The following EBNA1BP2 variants were observed in gnomAD, a reference collection of about 807,000 sequenced individuals.
EBNA1BP2 encodes the protein probable rRNA-processing protein EBP2.
EBNA1BP2 carries 36 observed loss-of-function variants against 43.5 expected under a neutral mutation model. That is an observed-to-expected ratio of 0.83 (90% CI 0.63 to 1.09). EBNA1BP2 has a LOEUF of 1.09. EBNA1BP2 is among the 50% of genes least tolerant of loss of function. The pLI, the probability that EBNA1BP2 is intolerant of heterozygous loss-of-function variation, is 0.00. For synonymous variants in EBNA1BP2, 127 were observed against 141.3 expected (o/e 0.90, Z 0.72); for missense variants, 332 against 379.1 (o/e 0.88, Z 1.03).
rs76692402 is a variant in EBNA1BP2 at position 43,166,840 on chromosome 1, C to T, written c.693G>A (p.Gln231=). Residue 231 remains glutamine, a synonymous_variant, in exon 7 of 9, where the codon CAG becomes CAA. Coordinates refer to ENST00000236051, the MANE Select transcript of EBNA1BP2 (RefSeq NM_006824.3). ...ACCCTTCTCACCCCTTCCTCATCTGCTGGCCTTTGGCTCCTGCCTTCTTGC... is the reference window on the plus strand; with the variant it reads ...ACCCTTCTCACCCCTTCCTCATCTGTTGGCCTTTGGCTCCTGCCTTCTTGC... ...AQRKKAGAKG[Q]QMRKGPSAKR... 1.3e-4 allele frequency: 216 copies of T among 1,611,558 alleles called. 1 individual carries two copies. In the East Asian group the frequency reaches 4.2e-3, roughly 31 times the overall value.
intron 5 of EBNA1BP2, among the ~76,000 whole-genome samples, chr1:43,168,658 T>C (rs1334972806): frequency 6.6e-6 from 1 of 152,142 alleles, no homozygotes; most frequent in Non-Finnish European, 1.5e-5. Context: ...GATTTTGCTA[T>C]AAGGTCAGGT....
chr1:43,172,439 A>G (rs1421615877), upstream of EBNA1BP2: 1 of 1,549,242 alleles, frequency 6.5e-7, no homozygotes. Flanking sequence ...CTGCTGACCC[A>G]GAGAGAAACG....
rs1644957938 is a variant in EBNA1BP2, at chr1:43,170,879, G to C, written c.324C>G (p.Phe108Leu). Reference protein sequence around the residue: ...PEDDFQREMSFYRQAQAAVLA... With the variant: ...PEDDFQREMSLYRQAQAAVLA... ...GCACTGCGGCCTGGGCTTGGCGATA[G>C]CTGAGAATCGTAGGACAAAATGTGT... is the stretch of plus-strand genomic sequence containing the variant. Residue 108 changes from phenylalanine (F) to leucine (L), a missense_variant and splice_region_variant, in exon 4 of 9, where the codon TTC becomes TTG. This residue lies in a region of EBNA1BP2 where 182 missense variants were observed against 173.7 expected (regional missense o/e 1.05). Coordinates refer to ENST00000236051, the MANE Select transcript of EBNA1BP2 (RefSeq NM_006824.3). 2 of 1,567,236 alleles carry C rather than the reference G, an allele frequency of 1.3e-6. No individual in the cohort carries two copies. The highest frequency in any genetic ancestry group is 2.1e-5 in the Admixed American group (1 of 48,588).
chr1:43,166,291 C>T (rs1340281596), intron 7 of EBNA1BP2, among the ~76,000 whole-genome samples: 2 of 152,204 alleles, frequency 1.3e-5, no homozygotes, highest in Non-Finnish European at 2.9e-5. Context: ...TCAGCATTCA[C>T]TTAAAGGGTG....
chr1:43,164,873 T>C (rs1486254508), intron 7 of EBNA1BP2, 68 bp from the exon 8 acceptor site: 2 of 1,572,600 alleles, frequency 1.3e-6, no homozygotes, highest in African/African-American at 1.4e-5. Flanking sequence ...GGCCCAGCAA[T>C]GCTCTCAGTT....
At chr1:43,164,850 T>C in intron 7 of EBNA1BP2, 45 bp from the exon 8 acceptor site, 1 of 1,599,326 alleles carries the variant, frequency 6.3e-7, no homozygotes, top group Non-Finnish European at 8.5e-7. Context: ...CTGTAAAGCC[T>C]GATGAACCTG....
At chr1:43,172,461 G>C (rs573575781), upstream of EBNA1BP2, 319 of 1,543,952 alleles carry the variant, frequency 2.1e-4, 3 homozygotes, top group East Asian at 7.7e-3. Context: ...AAGGTGGGAG[G>C]GGGTACCTGG....
rs766137659 is a variant in EBNA1BP2, at chr1:43,172,181, A to G, written c.-63T>C. ...GGGGTATCCCGAGACCCAAGCGGCT[A>G]GCAGAGGGCGGCCCTGGCCGCTGCT... On this transcript the variant is annotated 5_prime_UTR_variant, in exon 1 of 9. Coordinates refer to ENST00000236051, the MANE Select transcript of EBNA1BP2 (RefSeq NM_006824.3). 3.7e-6 allele frequency: 6 copies of G among 1,609,410 alleles called. No homozygotes were observed. The highest frequency in any genetic ancestry group is 4.2e-6 in the Non-Finnish European group (5 of 1,177,708).
chr1:43,165,442 G>A (rs2124160713), intron 7 of EBNA1BP2, among the ~76,000 whole-genome samples: 1 of 152,210 alleles, frequency 6.6e-6, no homozygotes, highest in Admixed American at 6.5e-5. Flanking sequence ...GTCAGCCTTG[G>A]TTCTTCTCTC....
At position 43,172,271 on chromosome 1, in the gene EBNA1BP2, G is replaced by A. The variant is rs984792546; in HGVS notation, c.-153C>T. ...GTGCCACCGAATCGCTCCAGCGCCAGCAACTCACAGCTACTGCTCAACTTT... is the reference window on the plus strand; with the variant it reads ...GTGCCACCGAATCGCTCCAGCGCCAACAACTCACAGCTACTGCTCAACTTT... On this transcript the variant is annotated 5_prime_UTR_variant, in exon 1 of 9. Coordinates refer to ENST00000236051, the MANE Select transcript of EBNA1BP2 (RefSeq NM_006824.3). The A allele has an allele frequency of 1.3e-6, 2 of 1,553,056 alleles. No individual in the cohort carries two copies. Among genetic ancestry groups the A allele is most frequent in the African/African-American group, 1.4e-5 (1 of 73,118 alleles).
At chr1:43,172,459 AG>A, upstream of EBNA1BP2, 4 of 1,508,314 alleles carry the variant, frequency 2.7e-6, no homozygotes, top group Non-Finnish European at 3.6e-6. Context: ...GAAAGGTGGG[AG>A]GGGGTACCTG....
Position 43,164,461 on chromosome 1 carries a change from C to T in EBNA1BP2, c.903G>A (p.Met301Ile), listed in dbSNP as rs1644904669. The change falls in exon 9 of 9, where the codon ATG becomes ATA. Residue 301 changes from methionine (M) to isoleucine (I), a missense_variant. Met to Ile is a conservative substitution (Grantham distance 10). Around this residue, in one of 3 missense-constraint regions of EBNA1BP2, gnomAD observed 59 missense variants for 53.3 expected, o/e 1.11. Coordinates refer to ENST00000236051, the MANE Select transcript of EBNA1BP2 (RefSeq NM_006824.3). Reference sequence around the variant, plus strand: ...ATGCTATTTAGTGTGTTCTGTTCTTCATCTTCTCTCTTGTTCGTTTTCCAG... The same window carrying T: ...ATGCTATTTAGTGTGTTCTGTTCTTTATCTTCTCTCTTGTTCGTTTTCCAG... ...KRPGKRTREK[M>I]KNRTH The T allele has an allele frequency of 1.2e-6, 2 of 1,614,166 alleles. No homozygotes were observed. Among genetic ancestry groups the T allele is most frequent in the Non-Finnish European group, 1.7e-6 (2 of 1,180,024 alleles).
chr1:43,164,886 C>T, intron 7 of EBNA1BP2, 81 bp from the exon 8 acceptor site: 1 of 1,552,002 alleles, frequency 6.4e-7, no homozygotes, highest in Non-Finnish European at 8.7e-7. Context: ...TCTCAGTTTC[C>T]TTTCTATAAG....
chr1:43,164,555 G>A (rs564219282), intron 8 of EBNA1BP2, 62 bp from the exon 9 acceptor site: 17 of 1,614,030 alleles, frequency 1.1e-5, no homozygotes, highest in Non-Finnish European at 1.4e-5. Context: ...CCAGGGTGAG[G>A]ACGAACAGAA....
chr1:43,164,369 A>G lies in EBNA1BP2; in HGVS notation c.*74T>C, dbSNP rs1644903413. ...AATGTTTACAACATGACACCAACAG[A>G]AGGGATCAAAGTGTGTCGTGAAATT... On this transcript the variant is annotated 3_prime_UTR_variant, in exon 9 of 9. Transcript: ENST00000236051. The G allele has an allele frequency of 2.5e-6, 4 of 1,569,012 alleles. No homozygotes were observed. The African/African-American group carries it at 4.1e-5, about 16-fold the overall frequency.
At chr1:43,168,112 C>T (rs1247120856) in intron 5 of EBNA1BP2, among the ~76,000 whole-genome samples, 1 of 152,220 alleles carries the variant, frequency 6.6e-6, no homozygotes, top group Non-Finnish European at 1.5e-5. Flanking sequence ...TCTCAGCCAT[C>T]CACCTCCAGA....
At chr1:43,167,826 G>C (rs1409708872) in intron 5 of EBNA1BP2, among the ~76,000 whole-genome samples, 2 of 152,034 alleles carry the variant, frequency 1.3e-5, no homozygotes, top group Non-Finnish European at 2.9e-5. Context: ...TCTTTGCTGG[G>C]GGGTAGGGGC....
intron 3 of EBNA1BP2, chr1:43,171,194 T>TCC (rs1644963630): frequency 2.1e-6 from 1 of 465,870 alleles, no homozygotes; most frequent in Non-Finnish European, 3.6e-6. Flanking sequence ...CACAAGAACA[T>TCC]CCCATAAGCA....
At chr1:43,165,814 G>C (rs988512509) in intron 7 of EBNA1BP2, among the ~76,000 whole-genome samples, 1 of 152,096 alleles carries the variant, frequency 6.6e-6, no homozygotes, top group Non-Finnish European at 1.5e-5. Flanking sequence ...TTCACATCTC[G>C]ATGGCTTTGC....
Sources: gnomAD v4.1 joint callset for allele counts (sites outside exome capture counted in the v4.1 genomes callset) on GRCh38, gnomAD v4.1.1 for gene constraint, gnomAD v4.1.1 regional missense constraint, MANE v1.5 for transcripts, NCBI Gene and HGNC (gene_info 2026-07-23, HGNC 2026-07-21) for gene names.